Variants in ZNF442 observed in about 807,000 individuals in gnomAD.
ZNF442 encodes zinc finger protein 442.
Under a neutral mutation model 57.0 loss-of-function variants are expected in ZNF442, and 45 were observed. The ratio of observed to expected loss-of-function variants is 0.79; its 90% CI spans 0.62 to 1.01. The LOEUF (loss-of-function observed/expected upper bound fraction) is 1.01, where lower values mean the gene tolerates loss of function less well. ZNF442 is among the 50% of genes least tolerant of loss of function. The pLI is 0.00. For synonymous variants in ZNF442, 213 were observed against 241.8 expected, an observed-to-expected ratio of 0.88 and a Z score of 1.10; for missense variants, 690 against 756.5, an observed-to-expected ratio of 0.91 and a Z score of 1.03.
At chr19:12,354,321 C>T (rs946232223) in intron 3 of ZNF442, among the ~76,000 whole-genome samples, 8 of 152,142 alleles carry the variant, frequency 5.3e-5, no homozygotes, top group African/African-American at 1.7e-4. Flanking sequence ...CATCCCAATG[C>T]AAGAATTTTA....
intron 3 of ZNF442, among the ~76,000 whole-genome samples, chr19:12,358,233 G>A (rs1046053236): frequency 6.6e-6 from 1 of 152,090 alleles, no homozygotes; most frequent in Non-Finnish European, 1.5e-5. Flanking sequence ...AAAGTGCTGG[G>A]ATTACAGGCG....
chr19:12,365,955 C>T (rs1344358950), upstream of ZNF442: 1 of 152,442 alleles, frequency 6.6e-6, no homozygotes, highest in Non-Finnish European at 1.5e-5. Flanking sequence ...GCTCCTTCTT[C>T]CTGGACGGGG....
rs866754431 is a variant in ZNF442 at position 12,360,934 on chromosome 19, G to A, written c.78+2620C>T. Among the ~76,000 whole-genome samples the A allele has an allele frequency of 7.9e-5, 12 of 152,300 alleles. No homozygotes were observed. In the South Asian group the frequency reaches 1.2e-3, roughly 16 times the overall value. On this transcript the variant is annotated intron_variant, in intron 3 of 5. Coordinates refer to ENST00000242804, the MANE Select transcript of ZNF442 (RefSeq NM_030824.3). ...AGGCTGGGAGCGGTGGCTCAAGCCT[G>A]TAATCCCAGCACTTTGGGAGGCTGA...
In ZNF442 at chr19:12,348,072, C is replaced by CGGT. The variant is rs1969154431; in HGVS notation, c.*1626_*1628dup. ...TAAAGATTACAATCCTCGCAGGGCACGGTGGCTCATGCCTGTAATCTCAGC... is the reference window on the plus strand; with the variant it reads ...TAAAGATTACAATCCTCGCAGGGCACGGTGGTGGCTCATGCCTGTAATCTCAGC... On this transcript the variant is annotated 3_prime_UTR_variant, in exon 6 of 6. Coordinates refer to ENST00000242804, the MANE Select transcript of ZNF442 (RefSeq NM_030824.3). 1 of 152,100 alleles carries CGGT rather than the reference C, an allele frequency of 6.6e-6. No individual in the cohort carries two copies. The highest frequency in any genetic ancestry group is 1.5e-5 in the Non-Finnish European group (1 of 68,042). The allele number at this position is 152,100 out of a possible 1,614,324, so 9.4% of individuals were successfully genotyped here.
At chr19:12,362,845 T>A (rs576829635) in intron 3 of ZNF442, among the ~76,000 whole-genome samples, 1 of 149,744 alleles carries the variant, frequency 6.7e-6, no homozygotes, top group South Asian at 2.1e-4. Flanking sequence ...CACGGGAGAC[T>A]CCATTTTGTT....
chr19:12,349,591 A>G lies in ZNF442; in HGVS notation c.*110T>C. 1 of 1,179,008 alleles carries G rather than the reference A, an allele frequency of 8.5e-7. No homozygotes were observed. The highest frequency in any genetic ancestry group is 1.2e-6 in the Non-Finnish European group (1 of 852,562). 73.0% of individuals were successfully genotyped at this position (1,179,008 alleles called of 1,614,324 possible). On this transcript the variant is annotated 3_prime_UTR_variant, in exon 6 of 6. Coordinates refer to ENST00000242804, the MANE Select transcript of ZNF442 (RefSeq NM_030824.3). ...ATGGTTAGGGGATAACCATATTCAA[A>G]AGAAACATCTTAAGGCTTTACCATG...
chr19:12,363,446 A>G lies in ZNF442; in HGVS notation c.78+108T>C, dbSNP rs940719496. ...TCAGTAAAGTGCTCAGTGACCACCC[A>G]CCACCACCCCAGGAGATACTTCACT... On this transcript the variant is annotated intron_variant, in intron 3 of 5. Transcript: ENST00000242804. The G allele has an allele frequency of 3.7e-6, 4 of 1,084,746 alleles. No homozygotes were observed. The African/African-American group carries it at 6.2e-5, about 17-fold the overall frequency. 67.2% of individuals were successfully genotyped at this position (1,084,746 alleles called of 1,614,324 possible).
chr19:12,369,375 T>C (rs1047636169), upstream of ZNF442, among the ~76,000 whole-genome samples: 2 of 152,144 alleles, frequency 1.3e-5, no homozygotes, highest in South Asian at 2.1e-4. Context: ...TCCCAGCACT[T>C]TGGGAGGCCG....
intron 3 of ZNF442, among the ~76,000 whole-genome samples, chr19:12,355,450 C>T (rs1320692906): frequency 6.7e-6 from 1 of 149,644 alleles, no homozygotes; most frequent in Non-Finnish European, 1.5e-5. Context: ...CAACCTCCGC[C>T]TCCTGGGCTC....
intron 3 of ZNF442, among the ~76,000 whole-genome samples, chr19:12,357,972 T>G (rs866584954): frequency 1.3e-5 from 2 of 151,360 alleles, no homozygotes; most frequent in South Asian, 4.2e-4. Context: ...CCTTTTTTTT[T>G]TTTTTTTTGA....
chr19:12,359,615 G>A (rs1969390003), intron 3 of ZNF442, among the ~76,000 whole-genome samples: 1 of 152,060 alleles, frequency 6.6e-6, no homozygotes, highest in South Asian at 2.1e-4. Context: ...GCCTGAGCCA[G>A]CACAAAACCC....
At chr19:12,360,887 TA>T (rs1381593904) in intron 3 of ZNF442, among the ~76,000 whole-genome samples, 4 of 148,074 alleles carry the variant, frequency 2.7e-5, no homozygotes, top group Non-Finnish European at 6.0e-5. Context: ...CTCAAAAAAA[TA>T]AAAAAATAAA....
intron 2 of ZNF442, 63 bp from the exon 3 acceptor site, chr19:12,363,734 C>A: frequency 9.7e-7 from 1 of 1,034,362 alleles, no homozygotes; most frequent in Non-Finnish European, 1.5e-6. Flanking sequence ...AATGGTATAC[C>A]AGAATATTCC....
chr19:12,369,248 A>C (rs1969561838), upstream of ZNF442, among the ~76,000 whole-genome samples: 1 of 152,206 alleles, frequency 6.6e-6, no homozygotes, highest in Non-Finnish European at 1.5e-5. Context: ...AGATATGGGA[A>C]GGGGAAGTTT....
chr19:12,353,145 G>T (rs955732482), intron 3 of ZNF442, 31 bp from the exon 4 acceptor site: 24 of 1,560,608 alleles, frequency 1.5e-5, no homozygotes, highest in Non-Finnish European at 2.1e-5. Flanking sequence ...AAAGGAGTAA[G>T]GCTGAGACTG....
chr19:12,353,157 T>C (rs746701886), intron 3 of ZNF442, 43 bp from the exon 4 acceptor site: 1 of 1,543,248 alleles, frequency 6.5e-7, no homozygotes, highest in Non-Finnish European at 8.7e-7. Context: ...CTGAGACTGA[T>C]AGTACCAAAA....
At chr19:12,352,157 T>C (rs1969250549) in intron 4 of ZNF442, 87 bp from the exon 5 acceptor site, 1 of 1,272,580 alleles carries the variant, frequency 7.9e-7, no homozygotes, top group Non-Finnish European at 1.1e-6. Flanking sequence ...GAATCATGCA[T>C]GATTCATTCA....
chr19:12,352,222 A>C, intron 4 of ZNF442, 152 bp from the exon 5 acceptor site: 2 of 685,656 alleles, frequency 2.9e-6, no homozygotes, highest in Non-Finnish European at 4.7e-6. Context: ...AAGTCCACTT[A>C]TTTTATGTTT....
the ZNF442 span, among the ~76,000 whole-genome samples, chr19:12,372,331 C>T: frequency 2.6e-5 from 4 of 151,846 alleles, no homozygotes; most frequent in East Asian, 3.9e-4. Context: ...TGGTGGCGGG[C>T]GCCTGTAATC....
Sources: gnomAD v4.1 joint callset for allele counts (sites outside exome capture counted in the v4.1 genomes callset) on GRCh38, gnomAD v4.1.1 for gene constraint, MANE v1.5 for transcripts, NCBI Gene and HGNC (gene_info 2026-07-23, HGNC 2026-07-21) for gene names.